The following PPP1R13B variants were observed in gnomAD, a reference collection of about 807,000 sequenced individuals.
PPP1R13B encodes the protein protein phosphatase 1 regulatory subunit 13B, also known as apoptosis-stimulating of p53 protein 1.
A neutral mutation model predicts 119.8 loss-of-function variants in PPP1R13B; 44 were observed. The ratio of observed to expected loss-of-function variants is 0.37; its 90% CI spans 0.29 to 0.47. PPP1R13B has a LOEUF of 0.47. PPP1R13B is among the 20% of genes least tolerant of loss of function. The probability of loss-of-function intolerance (pLI) is 0.99; values close to 1 mark genes in which losing one functional copy is unlikely to be tolerated. For missense variants in PPP1R13B, 1,227 were observed against 1,413.5 expected (o/e 0.87, Z 2.12); for synonymous variants, 542 against 561.5 (o/e 0.97, Z 0.49).
chr14:103,847,290 C>T lies in PPP1R13B; in HGVS notation c.9+9G>A. On this transcript the variant is annotated intron_variant, in intron 1 of 16. Transcript: ENST00000202556. Reference sequence around the variant, plus strand: ...AAGCCGCCGCCACCTCCCGCCCGCCCTCACCCACCGGCATCATCGCGGGGA... The same window carrying T: ...AAGCCGCCGCCACCTCCCGCCCGCCTTCACCCACCGGCATCATCGCGGGGA... 4.8e-6 allele frequency: 6 copies of T among 1,244,906 alleles called. No individual in the cohort carries two copies. The highest frequency in any genetic ancestry group is 6.2e-6 in the Non-Finnish European group (6 of 975,062). 77.1% of individuals were successfully genotyped at this position (1,244,906 alleles called of 1,614,324 possible).
chr14:103,784,988 T>C, intron 2 of PPP1R13B, 74 bp from the exon 3 acceptor site: 2 of 1,382,682 alleles, frequency 1.4e-6, no homozygotes, highest in Non-Finnish European at 2.0e-6. Context: ...TGTAAAAAAC[T>C]TAAATGAATG....
At chr14:103,778,014 C>T (rs185687943) in intron 4 of PPP1R13B, among the ~76,000 whole-genome samples, 95 of 151,062 alleles carry the variant, frequency 6.3e-4, no homozygotes, top group African/African-American at 2.1e-3. Flanking sequence ...TGCAATGGTG[C>T]GATCTTGGCT....
chr14:103,756,085 A>AT (rs538567351), intron 5 of PPP1R13B, among the ~76,000 whole-genome samples: 2 of 150,736 alleles, frequency 1.3e-5, no homozygotes, highest in East Asian at 1.9e-4. Context: ...CCAGTTTGGA[A>AT]TTTTTTTTTC....
At chr14:103,765,659 T>A (rs2084920539) in intron 4 of PPP1R13B, among the ~76,000 whole-genome samples, 1 of 152,208 alleles carries the variant, frequency 6.6e-6, no homozygotes, top group South Asian at 2.1e-4. Context: ...TCACTCATGC[T>A]CTTCCCGCTG....
intron 2 of PPP1R13B, among the ~76,000 whole-genome samples, chr14:103,792,128 G>C (rs1478830691): frequency 1.3e-5 from 2 of 151,244 alleles, no homozygotes. Context: ...TTTGTCTTAA[G>C]CCAGTTATTT....
chr14:103,847,399 C>A lies in PPP1R13B; in HGVS notation c.-92G>T, dbSNP rs2087076812. The A allele has an allele frequency of 9.5e-7, 1 of 1,048,722 alleles. No individual in the cohort carries two copies. The highest frequency in any genetic ancestry group is 1.1e-6 in the Non-Finnish European group (1 of 871,700). 65.0% of individuals were successfully genotyped at this position (1,048,722 alleles called of 1,614,324 possible). Reference sequence around the variant, plus strand: ...CCGCTCCGGCCGCCTCCTAAGGCCGCGCTCCCGCCGCCGTGCTCTCCGGCC... The same window carrying A: ...CCGCTCCGGCCGCCTCCTAAGGCCGAGCTCCCGCCGCCGTGCTCTCCGGCC... On this transcript the variant is annotated 5_prime_UTR_variant, in exon 1 of 17. Transcript: ENST00000202556.
intron 1 of PPP1R13B, among the ~76,000 whole-genome samples, chr14:103,825,113 A>C (rs2086506452): frequency 1.3e-5 from 2 of 152,142 alleles, no homozygotes; most frequent in Admixed American, 1.3e-4. Flanking sequence ...GTGGTCTTTA[A>C]CGTTACTATT....
chr14:103,830,543 A>G (rs2086644114), intron 1 of PPP1R13B, among the ~76,000 whole-genome samples: 1 of 152,242 alleles, frequency 6.6e-6, no homozygotes, highest in Non-Finnish European at 1.5e-5. Context: ...CTAGGAAAAG[A>G]CAGTGTTGAG....
At chr14:103,803,902 G>T in intron 1 of PPP1R13B, 1 of 289,964 alleles carries the variant, frequency 3.4e-6, no homozygotes, top group Non-Finnish European at 5.2e-6. Context: ...ACCAATGTCT[G>T]CCCATCTTGA....
At chr14:103,741,173 A>C (rs1004974222) in intron 11 of PPP1R13B, among the ~76,000 whole-genome samples, 2 of 152,252 alleles carry the variant, frequency 1.3e-5, no homozygotes. Context: ...GCCAATGCCC[A>C]GGAATGTCTA....
chr14:103,746,240 G>A, intron 9 of PPP1R13B, 133 bp downstream of exon 9: 1 of 951,094 alleles, frequency 1.1e-6, no homozygotes, highest in Admixed American at 3.1e-5. Flanking sequence ...GCGCCTCACG[G>A]GGAGACTGAG....
At chr14:103,802,631 C>T (rs1274321835) in intron 1 of PPP1R13B, among the ~76,000 whole-genome samples, 1 of 152,306 alleles carries the variant, frequency 6.6e-6, no homozygotes, top group Non-Finnish European at 1.5e-5. Flanking sequence ...CACAGAGGCA[C>T]AGCTTGTGCT....
At chr14:103,739,080 C>T (rs2084182975) in intron 12 of PPP1R13B, 57 bp from the exon 13 acceptor site, 2 of 1,566,230 alleles carry the variant, frequency 1.3e-6, no homozygotes, top group Admixed American at 3.6e-5. Flanking sequence ...GTCTAAGAAC[C>T]CACGCCTGCT....
intron 1 of PPP1R13B, among the ~76,000 whole-genome samples, chr14:103,836,405 G>C (rs2086779095): frequency 6.6e-6 from 1 of 152,052 alleles, no homozygotes; most frequent in Non-Finnish European, 1.5e-5. Flanking sequence ...AATCCTAACA[G>C]TATCATGAAA....
At chr14:103,798,152 C>CTTTTTT (rs768163941) in intron 1 of PPP1R13B, among the ~76,000 whole-genome samples, 3 of 129,172 alleles carry the variant, frequency 2.3e-5, no homozygotes, top group Non-Finnish European at 3.2e-5. Flanking sequence ...ATAATAATCT[C>CTTTTTT]TTTTTTTTTT....
intron 5 of PPP1R13B, among the ~76,000 whole-genome samples, chr14:103,756,830 C>T (rs752725594): frequency 3.3e-5 from 5 of 152,086 alleles, no homozygotes; most frequent in Admixed American, 6.6e-5. Flanking sequence ...ACAATCTCGG[C>T]TCACTGCAAG....
Position 103,740,134 on chromosome 14 carries a change from C to A in PPP1R13B, c.2282G>T (p.Gly761Val). Residue 761 changes from glycine (G) to valine (V), a missense_variant, in exon 12 of 17, where the codon GGA becomes GTA. Coordinates refer to ENST00000202556, the MANE Select transcript of PPP1R13B (RefSeq NM_015316.3). This position sits in a 1 kb window ranked among gnomAD's most constrained non-coding sequence, Gnocchi z 4.6. ...FMGTLADVDN[G>V]NTNANGNLEE... is the part of the protein sequence containing the mutation. ...CAGGTTTCCATTGGCATTGGTGTTTCCATTGTCCACATCGGCCAAGGTGCC... is the reference window on the plus strand; with the variant it reads ...CAGGTTTCCATTGGCATTGGTGTTTACATTGTCCACATCGGCCAAGGTGCC... 6.2e-7 allele frequency: 1 copy of A among 1,613,526 alleles called. No homozygotes were observed.
At position 103,847,454 on chromosome 14, in the gene PPP1R13B, G is replaced by A. The variant is rs969737058; in HGVS notation, c.-147C>T. On this transcript the variant is annotated 5_prime_UTR_variant, in exon 1 of 17. Coordinates refer to ENST00000202556, the MANE Select transcript of PPP1R13B (RefSeq NM_015316.3). Reference sequence around the variant, plus strand: ...CGCGGCGAGGCGGCAGCTGCGGCGGGCTGCGGGGCTCTCGCTGGCCCTGTC... The same window carrying A: ...CGCGGCGAGGCGGCAGCTGCGGCGGACTGCGGGGCTCTCGCTGGCCCTGTC... 3.0e-6 allele frequency: 3 copies of A among 999,390 alleles called. No homozygotes were observed. Among genetic ancestry groups the A allele is most frequent in the Admixed American group, 6.1e-5 (1 of 16,324 alleles). 61.9% of individuals were successfully genotyped at this position (999,390 alleles called of 1,614,324 possible). A position where few individuals can be genotyped will look rare whatever the true frequency, so the allele number is the denominator to read the frequency against.
upstream of PPP1R13B, among the ~76,000 whole-genome samples, chr14:103,848,809 G>A (rs537211496): frequency 7.1e-6 from 1 of 140,320 alleles, no homozygotes; most frequent in East Asian, 2.2e-4. Context: ...TCGTGTTTGC[G>A]AGTGTGGACT....
Sources: allele counts gnomAD v4.1 joint callset (sites outside exome capture counted in the v4.1 genomes callset), GRCh38; gene constraint gnomAD v4.1.1; non-coding constraint Gnocchi (gnomAD v3.1); transcripts MANE v1.5; gene names NCBI Gene and HGNC (gene_info 2026-07-23, HGNC 2026-07-21).